GPC5: variants seen among roughly 807,000 people sequenced by gnomAD.
GPC5 encodes glypican 5, also known as glypican-5.
GPC5 carries 47 observed loss-of-function variants against 53.9 expected under a neutral mutation model. The observed-to-expected ratio is 0.87, with a 90% CI of 0.69 to 1.11. The LOEUF (loss-of-function observed/expected upper bound fraction) is 1.11. Ranked by LOEUF, GPC5 falls within the 50% of genes most tolerant of loss-of-function variation. The pLI, the probability that GPC5 is intolerant of heterozygous loss-of-function variation, is 0.00. For synonymous variants in GPC5, 286 were observed against 263.3 expected (o/e 1.09, Z -0.84); for missense variants, 748 against 713.1 (o/e 1.05, Z -0.56).
intron 6 of GPC5, among the ~76,000 whole-genome samples, chr13:92,033,032 T>C (rs957421248): frequency 7.3e-6 from 1 of 136,274 alleles, no homozygotes; most frequent in African/African-American, 2.8e-5. Context: ...GGGCTAGTTA[T>C]TGTCGTGTGT....
chr13:91,398,968 C>CT lies in GPC5; in HGVS notation c.-77dup. On this transcript the variant is annotated 5_prime_UTR_variant, in exon 1 of 8. Transcript: ENST00000377067. ...CGCTCGAGAGCCTCGGCCGCTGTGT[C>CT]TTCCACGTCTGCAGCTCAGCCAGGG... 6.7e-7 allele frequency: 1 copy of CT among 1,482,996 alleles called. No individual in the cohort carries two copies. Among genetic ancestry groups the CT allele is most frequent in the Non-Finnish European group, 9.0e-7 (1 of 1,110,066 alleles). The allele number at this position is 1,482,996 out of a possible 1,614,324, so 91.9% of individuals were successfully genotyped here.
intron 6 of GPC5, among the ~76,000 whole-genome samples, chr13:92,052,352 T>A (rs536937893): frequency 1.3e-5 from 2 of 152,214 alleles, no homozygotes; most frequent in East Asian, 3.9e-4. Flanking sequence ...CTCTTAAAGG[T>A]GGCACAGACC....
At chr13:92,180,241 G>A (rs7981868) in intron 7 of GPC5, among the ~76,000 whole-genome samples, 2,192 of 152,278 alleles carry the variant, frequency 0.014, 45 homozygotes, top group African/African-American at 0.049. Flanking sequence ...GTTTAAGGCT[G>A]CAGTTTAAAT....
At chr13:92,618,702 A>T (rs1884777349) in intron 7 of GPC5, among the ~76,000 whole-genome samples, 2 of 151,692 alleles carry the variant, frequency 1.3e-5, no homozygotes, top group South Asian at 2.1e-4. Context: ...AAAAAAAAAA[A>T]AAGCACTGTG....
At chr13:91,738,425 T>G (rs933278311) in intron 4 of GPC5, among the ~76,000 whole-genome samples, 2 of 151,288 alleles carry the variant, frequency 1.3e-5, no homozygotes, top group African/African-American at 4.9e-5. Flanking sequence ...TAGCTACCTT[T>G]TTTTGGGTGT....
chr13:91,486,364 G>A (rs989254396), intron 2 of GPC5: 13 of 152,274 alleles, frequency 8.5e-5, no homozygotes, highest in Non-Finnish European at 1.6e-4. Flanking sequence ...CTAGACATTG[G>A]CCTTGTCGCT....
intron 7 of GPC5, among the ~76,000 whole-genome samples, chr13:92,397,445 CTG>C (rs1324093359): frequency 6.6e-6 from 1 of 152,222 alleles, no homozygotes; most frequent in Non-Finnish European, 1.5e-5. Flanking sequence ...CCACATTGAA[CTG>C]TGAGTCCATT....
chr13:91,570,074 A>G (rs1192207875), intron 2 of GPC5, among the ~76,000 whole-genome samples: 1 of 152,240 alleles, frequency 6.6e-6, no homozygotes, highest in Non-Finnish European at 1.5e-5. Context: ...CAGAAAATGC[A>G]TAAAAGATAT....
At chr13:91,469,242 G>A (rs573988316) in intron 2 of GPC5, among the ~76,000 whole-genome samples, 36 of 152,048 alleles carry the variant, frequency 2.4e-4, no homozygotes, top group African/African-American at 6.3e-4. Context: ...CTGAGTAGCC[G>A]GGATTACAGA....
rs1156300802 is a variant in GPC5, at chr13:92,613,394, AAT to A, written c.1562-252881_1562-252880del. On this transcript the variant is annotated intron_variant, in intron 7 of 7. Coordinates refer to ENST00000377067, the MANE Select transcript of GPC5 (RefSeq NM_004466.6). ...ATATAAATATATTATATTATATATA[AAT>A]ATATATTATATTATATATAAATATG... is the stretch of plus-strand genomic sequence containing the variant. 1.5e-3 allele frequency among the ~76,000 whole-genome samples: 98 copies of A among 64,768 alleles called. 2 individuals carry two copies. The highest frequency in any genetic ancestry group is 4.2e-3 in the African/African-American group (90 of 21,634). The allele number at this position is 64,768 out of a possible 152,430, so 42.5% of individuals were successfully genotyped here.
At chr13:92,422,982 A>G (rs184641456) in intron 7 of GPC5, among the ~76,000 whole-genome samples, 228 of 152,290 alleles carry the variant, frequency 1.5e-3, no homozygotes, top group African/African-American at 5.3e-3. Context: ...CAGCTTATAA[A>G]CAACAGCAAT....
At chr13:91,525,418 T>C (rs1336342463) in intron 2 of GPC5, among the ~76,000 whole-genome samples, 1 of 152,216 alleles carries the variant, frequency 6.6e-6, no homozygotes, top group Non-Finnish European at 1.5e-5. Flanking sequence ...ATTAGGAGCT[T>C]ATGCAGTGAT....
At chr13:92,836,749 A>T (rs1170474364) in intron 7 of GPC5, among the ~76,000 whole-genome samples, 1 of 152,116 alleles carries the variant, frequency 6.6e-6, no homozygotes, top group Non-Finnish European at 1.5e-5. Context: ...TATAGAACTG[A>T]TCATTGTAGA....
At chr13:91,565,637 C>T (rs1342756604) in intron 2 of GPC5, among the ~76,000 whole-genome samples, 4 of 152,188 alleles carry the variant, frequency 2.6e-5, no homozygotes, top group South Asian at 2.1e-4. Context: ...TTGTCCTAGG[C>T]GTTGCGCCTG....
chr13:92,737,958 G>T (rs1449256989), intron 7 of GPC5, among the ~76,000 whole-genome samples: 2 of 151,260 alleles, frequency 1.3e-5, no homozygotes, highest in Admixed American at 6.6e-5. Flanking sequence ...TAGAGACAGG[G>T]TCTCCATTTT....
intron 6 of GPC5, among the ~76,000 whole-genome samples, chr13:91,939,232 A>G (rs2039901786): frequency 2.0e-5 from 3 of 152,178 alleles, no homozygotes; most frequent in South Asian, 4.1e-4. Flanking sequence ...ATGGGATTTT[A>G]TCTACATATG....
chr13:92,432,225 C>G (rs1306807610), intron 7 of GPC5, among the ~76,000 whole-genome samples: 1 of 152,100 alleles, frequency 6.6e-6, no homozygotes, highest in Non-Finnish European at 1.5e-5. Flanking sequence ...ATTCTGGCTC[C>G]CTGATATCGT....
intron 7 of GPC5, chr13:92,448,801 A>T (rs2139395926): frequency 6.6e-6 from 1 of 150,622 alleles, no homozygotes; most frequent in South Asian, 2.1e-4. Flanking sequence ...ACATGGACTT[A>T]ATTCACATCA....
intron 7 of GPC5, among the ~76,000 whole-genome samples, chr13:92,725,177 T>C (rs1338531728): frequency 6.6e-6 from 1 of 151,564 alleles, no homozygotes; most frequent in East Asian, 1.9e-4. Flanking sequence ...GAGTCCTTTT[T>C]ATTTTTCATA....
Sources: allele counts gnomAD v4.1 joint callset (sites outside exome capture counted in the v4.1 genomes callset), GRCh38; gene constraint gnomAD v4.1.1; transcripts MANE v1.5; gene names NCBI Gene and HGNC (gene_info 2026-07-23, HGNC 2026-07-21).